KCNT2: variants seen among roughly 807,000 people sequenced by gnomAD.
KCNT2 encodes potassium channel subfamily T member 2.
A neutral mutation model predicts 153.8 loss-of-function variants in KCNT2; 67 were observed. The observed-to-expected ratio is 0.44, with a 90% CI of 0.36 to 0.53. The LOEUF (loss-of-function observed/expected upper bound fraction) is 0.53. KCNT2 is among the 20% of genes least tolerant of loss of function. The pLI is 0.00. For missense variants in KCNT2, 975 were observed against 1,354.8 expected, an observed-to-expected ratio of 0.72 and a Z score of 4.40; for synonymous variants, 500 against 458.8, an observed-to-expected ratio of 1.09 and a Z score of -1.15.
chr1:196,499,443 A>G (rs1245347268), intron 1 of KCNT2, among the ~76,000 whole-genome samples: 1 of 152,254 alleles, frequency 6.6e-6, no homozygotes, highest in Non-Finnish European at 1.5e-5. Flanking sequence ...TGAGCATCCC[A>G]CATATTAGTT....
intron 13 of KCNT2, among the ~76,000 whole-genome samples, chr1:196,392,865 C>T (rs1231856939): frequency 1.3e-5 from 2 of 151,396 alleles, no homozygotes; most frequent in Non-Finnish European, 3.0e-5. Flanking sequence ...GCTAAAAATA[C>T]ATTTACTTTT....
chr1:196,431,874 G>C (rs1280653769), intron 8 of KCNT2, among the ~76,000 whole-genome samples: 5 of 152,126 alleles, frequency 3.3e-5, no homozygotes, highest in African/African-American at 1.2e-4. Context: ...AAGCAACTAT[G>C]TGATAAGGAG....
At chr1:196,281,459 G>A (rs112343391) in intron 24 of KCNT2, among the ~76,000 whole-genome samples, 7,545 of 152,198 alleles carry the variant, frequency 0.05, 285 homozygotes, top group Non-Finnish European at 0.071. Flanking sequence ...CAAATGCGAA[G>A]TGCAAAAGAC....
At chr1:196,406,934 GC>G (rs982542358) in intron 12 of KCNT2, among the ~76,000 whole-genome samples, 1 of 151,388 alleles carries the variant, frequency 6.6e-6, no homozygotes, top group Admixed American at 6.6e-5. Flanking sequence ...GGACTGAGCA[GC>G]AAGTCAACAT....
At chr1:196,571,721 A>G (rs1366563633) in intron 1 of KCNT2, among the ~76,000 whole-genome samples, 1 of 152,096 alleles carries the variant, frequency 6.6e-6, no homozygotes, top group Non-Finnish European at 1.5e-5. Flanking sequence ...CTATGTTTCC[A>G]GAGATCCAGC....
chr1:196,564,215 C>T (rs1409079410), intron 1 of KCNT2, among the ~76,000 whole-genome samples: 1 of 151,584 alleles, frequency 6.6e-6, no homozygotes, highest in African/African-American at 2.4e-5. Context: ...GATTTCTACA[C>T]ACTAACAAGA....
At chr1:196,362,656 A>T (rs1202188790) in intron 14 of KCNT2, among the ~76,000 whole-genome samples, 1 of 152,144 alleles carries the variant, frequency 6.6e-6, no homozygotes, top group Non-Finnish European at 1.5e-5. Context: ...TACTATCTCC[A>T]AATATTTAAA....
At chr1:196,458,965 T>G (rs1353129788) in intron 8 of KCNT2, among the ~76,000 whole-genome samples, 12 of 151,828 alleles carry the variant, frequency 7.9e-5, no homozygotes, top group Admixed American at 7.9e-4. Context: ...GCCCTCAACT[T>G]GCACTTTGGT....
intron 1 of KCNT2, among the ~76,000 whole-genome samples, chr1:196,575,027 C>A (rs1418112807): frequency 6.6e-6 from 1 of 151,776 alleles, no homozygotes; most frequent in Non-Finnish European, 1.5e-5. Context: ...TATAATTAAG[C>A]AATTTTTTCA....
At chr1:196,280,092 T>C (rs1658953875) in intron 25 of KCNT2, among the ~76,000 whole-genome samples, 1 of 152,126 alleles carries the variant, frequency 6.6e-6, no homozygotes, top group South Asian at 2.1e-4. Flanking sequence ...ATACAAACCA[T>C]AATTTACATT....
chr1:196,446,043 T>G (rs1341614288), intron 8 of KCNT2, among the ~76,000 whole-genome samples: 1 of 151,516 alleles, frequency 6.6e-6, no homozygotes, highest in Non-Finnish European at 1.5e-5. Flanking sequence ...AGCATTAACC[T>G]AACGGACATT....
chr1:196,431,071 C>T (rs997772181), intron 8 of KCNT2, among the ~76,000 whole-genome samples: 1 of 152,106 alleles, frequency 6.6e-6, no homozygotes, highest in Non-Finnish European at 1.5e-5. Flanking sequence ...CTGCCTTCTG[C>T]CATGTGAAGA....
At chr1:196,581,882 C>G (rs981755122) in intron 1 of KCNT2, among the ~76,000 whole-genome samples, 1 of 152,068 alleles carries the variant, frequency 6.6e-6, no homozygotes, top group African/African-American at 2.4e-5. Flanking sequence ...CATGAATAGA[C>G]AGATGACAGC....
intron 1 of KCNT2, among the ~76,000 whole-genome samples, chr1:196,505,864 C>T (rs6676437): frequency 6.6e-6 from 1 of 152,186 alleles, no homozygotes; most frequent in Non-Finnish European, 1.5e-5. Context: ...TGGGAGTTCA[C>T]TCATGATTGG....
At chr1:196,340,122 T>G (rs1265323878) in intron 16 of KCNT2, among the ~76,000 whole-genome samples, 1 of 152,018 alleles carries the variant, frequency 6.6e-6, no homozygotes, top group Admixed American at 6.6e-5. Flanking sequence ...ATAGGTAGTA[T>G]TATAGACATA....
chr1:196,249,952 C>CA (rs1016815416), intron 26 of KCNT2, among the ~76,000 whole-genome samples: 1 of 151,600 alleles, frequency 6.6e-6, no homozygotes, highest in Non-Finnish European at 1.5e-5. Flanking sequence ...TTGAAGAGGA[C>CA]AAAAAAATTT....
Position 196,482,361 on chromosome 1 carries a change from C to A in KCNT2, c.294G>T (p.Val98=). The change falls in exon 4 of 28, where the codon GTG becomes GTT. Residue 98 remains valine, a synonymous_variant. Coordinates refer to ENST00000294725, the MANE Select transcript of KCNT2 (RefSeq NM_198503.5). ...AGCCCCACAAAGGTAGACTTCTGTT[C>A]ACCCAAAAGATATGAGACCTATAAA... is the stretch of plus-strand genomic sequence containing the variant. ...QGNEWSHIFW[V]NRSLPLWGLQ... The A allele has an allele frequency of 6.4e-7, 1 of 1,571,402 alleles. No individual in the cohort carries two copies. The highest frequency in any genetic ancestry group is 8.6e-7 in the Non-Finnish European group (1 of 1,158,788).
chr1:196,373,303 A>T, intron 13 of KCNT2, 55 bp from the exon 14 acceptor site: 1 of 785,838 alleles, frequency 1.3e-6, no homozygotes, highest in Non-Finnish European at 2.2e-6. Flanking sequence ...GAGTAATAAA[A>T]TGTAAAAAAT....
At chr1:196,281,020 A>G in intron 24 of KCNT2, 32 bp from the exon 25 acceptor site, 1 of 1,550,924 alleles carries the variant, frequency 6.4e-7, no homozygotes, top group East Asian at 2.3e-5. Flanking sequence ...TACATATTAA[A>G]TGTGTCAGAA....
Sources: allele counts gnomAD v4.1 joint callset (sites outside exome capture counted in the v4.1 genomes callset), GRCh38; gene constraint gnomAD v4.1.1; transcripts MANE v1.5; gene names NCBI Gene and HGNC (gene_info 2026-07-23, HGNC 2026-07-21).